The following PTPRD variants were observed in gnomAD, a reference collection of about 807,000 sequenced individuals.
The protein encoded by PTPRD is protein tyrosine phosphatase receptor type D.
Under a neutral mutation model 214.5 loss-of-function variants are expected in PTPRD, and 34 were observed. The ratio of observed to expected loss-of-function variants is 0.16; its 90% CI spans 0.12 to 0.21. The LOEUF (loss-of-function observed/expected upper bound fraction) is 0.21. Ranked by LOEUF, PTPRD falls within the 10% of genes least tolerant of loss-of-function variation. PTPRD has a pLI of 1.00. For synonymous variants in PTPRD, 1,128 were observed against 845.7 expected, an observed-to-expected ratio of 1.33 and a Z score of -5.79; for missense variants, 2,545 against 2,398.7, an observed-to-expected ratio of 1.06 and a Z score of -1.27.
At chr9:9,204,228 G>T (rs934153607) in intron 9 of PTPRD, among the ~76,000 whole-genome samples, 1 of 152,178 alleles carries the variant, frequency 6.6e-6, no homozygotes, top group African/African-American at 2.4e-5. Context: ...TTGCAGAAAT[G>T]TAGTTAGTAA....
At chr9:10,165,523 C>A in intron 3 of PTPRD, among the ~76,000 whole-genome samples, 1 of 151,758 alleles carries the variant, frequency 6.6e-6, no homozygotes. Flanking sequence ...CTTTGTATAA[C>A]AATGGCATTC....
At chr9:8,654,094 A>T (rs2096864825) in intron 12 of PTPRD, among the ~76,000 whole-genome samples, 1 of 152,176 alleles carries the variant, frequency 6.6e-6, no homozygotes, top group Non-Finnish European at 1.5e-5. Context: ...AATAGATAAC[A>T]CTAACATCCT....
Position 8,808,259 on chromosome 9 carries a change from T to C in PTPRD, c.-103-74313A>G, listed in dbSNP as rs1378444431. Among the ~76,000 whole-genome samples, 24 of 152,004 alleles carry C rather than the reference T, an allele frequency of 1.6e-4. 1 individual carries two copies. Among genetic ancestry groups the C allele is most frequent in the Non-Finnish European group, 7.4e-5 (5 of 68,002 alleles). ...AGTTAAAGGGGAATGGTGTGAGAGGTGAACAACAGCAACCACAGTGCTGCT... is the reference window on the plus strand; with the variant it reads ...AGTTAAAGGGGAATGGTGTGAGAGGCGAACAACAGCAACCACAGTGCTGCT... On this transcript the variant is annotated intron_variant, in intron 11 of 45. Transcript: ENST00000381196.
In PTPRD at chr9:8,836,790, G is replaced by A. The variant is rs184450841; in HGVS notation, c.-103-102844C>T. 2.7e-3 allele frequency among the ~76,000 whole-genome samples: 405 copies of A among 151,496 alleles called. 4 individuals are homozygous for A. The highest frequency in any genetic ancestry group is 4.1e-3 in the Non-Finnish European group (279 of 67,886). ...TTTTTGTATTTTTATTAGAGATGGG[G>A]TTTCACCATGTTGGCCAGGATGGTC... On this transcript the variant is annotated intron_variant, in intron 11 of 45. Coordinates refer to ENST00000381196, the MANE Select transcript of PTPRD (RefSeq NM_002839.4).
intron 8 of PTPRD, among the ~76,000 whole-genome samples, chr9:9,506,937 C>T (rs546831175): frequency 1.3e-5 from 2 of 151,280 alleles, no homozygotes; most frequent in Non-Finnish European, 3.0e-5. Context: ...AATTAAGTAA[C>T]CCAGTAATTC....
intron 11 of PTPRD, among the ~76,000 whole-genome samples, chr9:8,982,980 T>C (rs533252280): frequency 6.6e-6 from 1 of 152,072 alleles, no homozygotes; most frequent in Non-Finnish European, 1.5e-5. Flanking sequence ...AAGTGGATCA[T>C]CAATTAACCT....
At chr9:8,615,041 A>C (rs149641552) in intron 14 of PTPRD, among the ~76,000 whole-genome samples, 251 of 152,188 alleles carry the variant, frequency 1.6e-3, no homozygotes, top group African/African-American at 5.8e-3. Context: ...ACTTCTTTTT[A>C]GCTGTCTCTT....
chr9:8,567,723 G>A (rs924623559), intron 14 of PTPRD, among the ~76,000 whole-genome samples: 1 of 152,124 alleles, frequency 6.6e-6, no homozygotes, highest in Admixed American at 6.5e-5. Context: ...CTCAATGAAT[G>A]AATGAATCAT....
intron 14 of PTPRD, among the ~76,000 whole-genome samples, chr9:8,589,885 A>G (rs901173430): frequency 7.9e-5 from 12 of 152,206 alleles, no homozygotes; most frequent in African/African-American, 2.4e-4. Context: ...TTTCAAACGT[A>G]TATTTGCAAA....
At chr9:10,122,394 A>C (rs889014238) in intron 3 of PTPRD, among the ~76,000 whole-genome samples, 9 of 152,172 alleles carry the variant, frequency 5.9e-5, no homozygotes, top group Non-Finnish European at 1.3e-4. Flanking sequence ...TATCCAACAA[A>C]AATTATTTTA....
At chr9:10,319,648 T>A (rs1031261723) in intron 3 of PTPRD, among the ~76,000 whole-genome samples, 9 of 152,024 alleles carry the variant, frequency 5.9e-5, no homozygotes, top group Non-Finnish European at 1.0e-4. Context: ...TATACAGGAT[T>A]GAAAATGAAT....
At chr9:9,003,745 T>C (rs1374185542) in intron 11 of PTPRD, among the ~76,000 whole-genome samples, 1 of 152,066 alleles carries the variant, frequency 6.6e-6, no homozygotes, top group Non-Finnish European at 1.5e-5. Context: ...TTCTGTGTTT[T>C]CGAACTGGCC....
chr9:8,745,017 C>T (rs2092630608), intron 11 of PTPRD, among the ~76,000 whole-genome samples: 1 of 152,154 alleles, frequency 6.6e-6, no homozygotes, highest in South Asian at 2.1e-4. Flanking sequence ...ATACACTCTT[C>T]ACTTCTCTCA....
chr9:8,623,160 A>G (rs982976347), intron 14 of PTPRD, among the ~76,000 whole-genome samples: 11 of 150,628 alleles, frequency 7.3e-5, no homozygotes, highest in Non-Finnish European at 1.2e-4. Flanking sequence ...CTAAAAAAAC[A>G]AAAAACACAA....
intron 8 of PTPRD, among the ~76,000 whole-genome samples, chr9:9,534,449 C>G (rs983030103): frequency 6.6e-6 from 1 of 151,982 alleles, no homozygotes; most frequent in African/African-American, 2.4e-5. Flanking sequence ...AAATAGGATG[C>G]TAAGAGACAT....
At chr9:9,248,930 T>C (rs759887359) in intron 9 of PTPRD, among the ~76,000 whole-genome samples, 1 of 152,024 alleles carries the variant, frequency 6.6e-6, no homozygotes, top group Non-Finnish European at 1.5e-5. Flanking sequence ...GTAAAGTGTA[T>C]GGCAAAGCTG....
rs536581128 is a variant in PTPRD, at chr9:9,834,528, A to G, written c.-367-67677T>C. Among the ~76,000 whole-genome samples, 3 of 152,106 alleles carry G rather than the reference A, an allele frequency of 2.0e-5. No homozygotes were observed. In the East Asian group the frequency reaches 5.8e-4, roughly 29 times the overall value. On this transcript the variant is annotated intron_variant, in intron 5 of 45. Coordinates refer to ENST00000381196, the MANE Select transcript of PTPRD (RefSeq NM_002839.4). ...CAATTCACCCTGTGTTTATTCTACC[A>G]GTTCCTAAGTATGCATTTGGAAAAG...
chr9:10,274,447 G>C (rs985037389), intron 3 of PTPRD, among the ~76,000 whole-genome samples: 2 of 152,134 alleles, frequency 1.3e-5, no homozygotes, highest in Admixed American at 6.5e-5. Context: ...GCAACCATTA[G>C]TGCATATAAA....
chr9:10,538,494 AT>A (rs2058388683), intron 2 of PTPRD, among the ~76,000 whole-genome samples: 1 of 152,130 alleles, frequency 6.6e-6, no homozygotes, highest in African/African-American at 2.4e-5. Flanking sequence ...TATATACACA[AT>A]TTTACCACAC....
Sources: gnomAD v4.1 joint callset for allele counts (sites outside exome capture counted in the v4.1 genomes callset) on GRCh38, gnomAD v4.1.1 for gene constraint, MANE v1.5 for transcripts, NCBI Gene and HGNC (gene_info 2026-07-23, HGNC 2026-07-21) for gene names.